The following BNIP2 variants were observed in gnomAD, a reference collection of about 807,000 sequenced individuals.
BNIP2 encodes the protein BCL2/adenovirus E1B 19 kDa protein-interacting protein 2.
A neutral mutation model predicts 43.4 loss-of-function variants in BNIP2; 36 were observed. The observed-to-expected ratio is 0.83, with a 90% CI of 0.64 to 1.10. The LOEUF (loss-of-function observed/expected upper bound fraction) is 1.10. BNIP2 is among the 50% of genes least tolerant of loss of function. The pLI, the probability that BNIP2 is intolerant of heterozygous loss-of-function variation, is 0.00. For synonymous variants in BNIP2, 146 were observed against 121.0 expected (o/e 1.21, Z -1.35); for missense variants, 417 against 374.1 (o/e 1.11, Z -0.95).
intron 1 of BNIP2, among the ~76,000 whole-genome samples, chr15:59,683,051 T>C (rs1287015076): frequency 6.6e-6 from 1 of 152,230 alleles, no homozygotes; most frequent in Admixed American, 6.5e-5. Flanking sequence ...CAATAACTTG[T>C]CCCGTAAATG....
chr15:59,687,374 C>T (rs62012470), intron 1 of BNIP2, among the ~76,000 whole-genome samples: 4 of 136,256 alleles, frequency 2.9e-5, no homozygotes, highest in African/African-American at 1.1e-4. Context: ...TTTTTTGAGA[C>T]GGAGTCTCAC....
rs1893581324 is a variant in BNIP2 at position 59,680,267 on chromosome 15, GCTAGTATATCTGCTTCAATAC to G, written c.71_91del (p.Ser24_Ala31delinsThr). 6.2e-7 allele frequency: 1 copy of G among 1,601,640 alleles called. No individual in the cohort carries two copies. Among genetic ancestry groups the G allele is most frequent in the African/African-American group, 1.3e-5 (1 of 74,528 alleles). On this transcript the variant is annotated inframe_deletion, in exon 3 of 10. Transcript: ENST00000607373. ...AGGCTGGTCCTCTGGTCCAGTTATA[GCTAGTATATCTGCTTCAATAC>G]TATCATCTTCTGGTAAAGGTCTAGA...
intron 3 of BNIP2, 97 bp downstream of exon 3, chr15:59,680,143 TA>T: frequency 9.8e-7 from 1 of 1,023,398 alleles, no homozygotes; most frequent in Non-Finnish European, 1.4e-6. Context: ...TATGATGGAA[TA>T]AAAACTCAAG....
chr15:59,677,262 G>A (rs879073247), intron 5 of BNIP2: 2 of 1,596,170 alleles, frequency 1.3e-6, no homozygotes, highest in Non-Finnish European at 1.7e-6. Context: ...CTTGACTGAA[G>A]TATACAGGAG....
chr15:59,669,876 T>C (rs1415333978), intron 7 of BNIP2, among the ~76,000 whole-genome samples: 1 of 152,250 alleles, frequency 6.6e-6, no homozygotes, highest in Non-Finnish European at 1.5e-5. Flanking sequence ...TTCTCCTTTT[T>C]AAATGACTAA....
rs1057058 is a variant in BNIP2, at chr15:59,672,705, C to T, written c.507G>A (p.Val169=). ...TTTCAGGCATGAAACAGACAGCAAA[C>T]ACAACAATGGCATTTAATCCATCCC... ...YYGDGLNAIV[V]FAVCFMPESS... The change falls in exon 6 of 10, where the codon GTG becomes GTA. Residue 169 remains valine, a synonymous_variant. Coordinates refer to ENST00000607373, the MANE Select transcript of BNIP2 (RefSeq NM_004330.4). The T allele has an allele frequency of 0.029, 47,564 of 1,612,956 alleles. 865 individuals carry two copies. Among genetic ancestry groups the T allele is most frequent in the Non-Finnish European group, 0.036 (42,060 of 1,179,096 alleles).
In BNIP2 at chr15:59,689,230, C is replaced by T; in HGVS notation, c.-153G>A. The T allele has an allele frequency of 6.5e-7, 1 of 1,541,606 alleles. No individual in the cohort carries two copies. Among genetic ancestry groups the T allele is most frequent in the Non-Finnish European group, 8.7e-7 (1 of 1,146,248 alleles). ...TCGCAAAAAGCAGGGCCGAGCGGAG[C>T]CCGCTCCCCTCGGTCGGCGGTGGAG... On this transcript the variant is annotated 5_prime_UTR_variant, in exon 1 of 10. Transcript: ENST00000607373.
intron 1 of BNIP2, among the ~76,000 whole-genome samples, chr15:59,683,095 T>C (rs1255724458): frequency 1.3e-5 from 2 of 152,256 alleles, no homozygotes; most frequent in African/African-American, 2.4e-5. Context: ...TTCATATCTA[T>C]ACTATGCCCT....
chr15:59,677,233 C>A, intron 5 of BNIP2: 1 of 1,595,562 alleles, frequency 6.3e-7, no homozygotes, highest in Non-Finnish European at 8.6e-7. Context: ...TTCCAGAGTG[C>A]CAAGCCCCGG....
At chr15:59,682,653 ATT>A (rs1247680187) in intron 1 of BNIP2, 139 bp from the exon 2 acceptor site, 1,084 of 438,702 alleles carry the variant, frequency 2.5e-3, no homozygotes, top group South Asian at 3.5e-3. Context: ...CAGGGTTGCA[ATT>A]TTTTTTTTTT....
In BNIP2 at chr15:59,689,292, T is replaced by C. The variant is rs2306359; in HGVS notation, c.-215A>G. The C allele has an allele frequency of 1.1e-5, 17 of 1,546,102 alleles. No homozygotes were observed. The highest frequency in any genetic ancestry group is 3.9e-5 in the Admixed American group (2 of 50,936). ...ATCCCCCGGCCGCAGCGGTACGGCG[T>C]CGGCGGCAGCAGCTGACCCGGACAC... On this transcript the variant is annotated 5_prime_UTR_variant, in exon 1 of 10. Coordinates refer to ENST00000607373, the MANE Select transcript of BNIP2 (RefSeq NM_004330.4).
At position 59,660,607 on chromosome 15, in the gene BNIP2, T is replaced by C. The variant is rs1188327766; in HGVS notation, c.*3462A>G. 6.6e-6 allele frequency: 1 copy of C among 152,240 alleles called. No individual in the cohort carries two copies. Among genetic ancestry groups the C allele is most frequent in the African/African-American group, 2.4e-5 (1 of 41,460 alleles). The allele number at this position is 152,240 out of a possible 1,614,324, so 9.4% of individuals were successfully genotyped here. On this transcript the variant is annotated 3_prime_UTR_variant, in exon 10 of 10. Transcript: ENST00000607373. Reference sequence around the variant, plus strand: ...CCAAATAGAAATGTTATATAGTCTTTTTAAAAGGCCTCTATCAAAAAGCAG... The same window carrying C: ...CCAAATAGAAATGTTATATAGTCTTCTTAAAAGGCCTCTATCAAAAAGCAG...
chr15:59,689,242 G>A lies in BNIP2; in HGVS notation c.-165C>T. ...GGGCCGAGCGGAGCCCGCTCCCCTC[G>A]GTCGGCGGTGGAGACCCCGGCCCAA... On this transcript the variant is annotated 5_prime_UTR_variant, in exon 1 of 10. Transcript: ENST00000607373. The A allele has an allele frequency of 1.9e-6, 3 of 1,542,672 alleles. No homozygotes were observed. Among genetic ancestry groups the A allele is most frequent in the South Asian group, 2.4e-5 (2 of 83,984 alleles).
Position 59,679,686 on chromosome 15 carries a change from G to A in BNIP2, c.201C>T (p.Gly67=), listed in dbSNP as rs758940282. Residue 67 remains glycine, a synonymous_variant, in exon 4 of 10, where the codon GGC becomes GGT. Transcript: ENST00000607373. ...CATCCAAATCATCTGACAATACAGA[G>A]CCATCACTAGGATCCAGTGTCAGGC... ...DISLTLDPSD[G]SVLSDDLDES... is the part of the protein sequence containing the mutation. 19 of 1,610,046 alleles carry A rather than the reference G, an allele frequency of 1.2e-5. No homozygotes were observed. Among genetic ancestry groups the A allele is most frequent in the East Asian group, 4.5e-5 (2 of 44,540 alleles).
intron 2 of BNIP2, among the ~76,000 whole-genome samples, chr15:59,681,498 G>C (rs1371392183): frequency 6.6e-6 from 1 of 150,814 alleles, no homozygotes; most frequent in Non-Finnish European, 1.5e-5. Flanking sequence ...GCCCAAGCTG[G>C]AGTGCAGCAG....
At chr15:59,689,011 G>C in intron 1 of BNIP2, 124 bp downstream of exon 1, 1 of 1,446,252 alleles carries the variant, frequency 6.9e-7, no homozygotes, top group Non-Finnish European at 9.0e-7. Flanking sequence ...CCCTACCAAG[G>C]GTAACTCTCT....
chr15:59,667,461 T>C (rs1892633704), intron 9 of BNIP2, among the ~76,000 whole-genome samples: 1 of 152,234 alleles, frequency 6.6e-6, no homozygotes, highest in Non-Finnish European at 1.5e-5. Context: ...TTTCATCATC[T>C]ATGTCAAGGT....
intron 4 of BNIP2, chr15:59,678,595 A>G: frequency 8.9e-7 from 1 of 1,122,168 alleles, no homozygotes. Flanking sequence ...TGTATTTATA[A>G]TACTTTGAAG....
chr15:59,672,815 A>T, intron 5 of BNIP2, 76 bp from the exon 6 acceptor site: 1 of 998,630 alleles, frequency 1.0e-6, no homozygotes. Context: ...CTGTATGATT[A>T]GTAAATTATA....
Sources: allele counts gnomAD v4.1 joint callset (sites outside exome capture counted in the v4.1 genomes callset), GRCh38; gene constraint gnomAD v4.1.1; transcripts MANE v1.5; gene names NCBI Gene and HGNC (gene_info 2026-07-23, HGNC 2026-07-21).